ABLIM1: variants seen among roughly 807,000 people sequenced by gnomAD.
The protein encoded by ABLIM1 is actin-binding LIM protein 1.
Under a neutral mutation model 107.0 loss-of-function variants are expected in ABLIM1, and 40 were observed. The observed-to-expected ratio is 0.37, with a 90% CI of 0.29 to 0.49. The LOEUF is 0.49. Among genes scored for constraint, ABLIM1 ranks in the 20% least tolerant of loss-of-function variants. The probability of loss-of-function intolerance (pLI) is 0.97; values close to 1 mark genes in which losing one functional copy is unlikely to be tolerated. For missense variants in ABLIM1, 857 were observed against 1,008.5 expected, an observed-to-expected ratio of 0.85 and a Z score of 2.04; for synonymous variants, 357 against 357.3, an observed-to-expected ratio of 1.00 and a Z score of 0.01.
the ABLIM1 span, among the ~76,000 whole-genome samples, chr10:114,795,624 G>T: frequency 3.3e-5 from 5 of 151,772 alleles, no homozygotes; most frequent in Admixed American, 3.3e-4. Context: ...CAGGAGAATT[G>T]CTTGAACACG....
chr10:114,440,450 CTTT>C (rs76464426), intron 19 of ABLIM1, among the ~76,000 whole-genome samples: 7 of 146,484 alleles, frequency 4.8e-5, no homozygotes, highest in African/African-American at 1.7e-4. Flanking sequence ...CCTCCAGTTA[CTTT>C]TTTTTTTTTT....
chr10:114,697,948 G>T lies in ABLIM1; in HGVS notation c.-213+70113C>A, dbSNP rs183157626. Among the ~76,000 whole-genome samples the T allele has an allele frequency of 6.6e-5, 10 of 152,118 alleles. No individual in the cohort carries two copies. In the East Asian group the frequency reaches 1.9e-3, roughly 29 times the overall value. ...GATTACATTTTAGAGATCTCTTGTG[G>T]TTGCAAACTAATACAACTATAGAGG... is the stretch of plus-strand genomic sequence containing the variant. On this transcript the variant is annotated intron_variant, in intron 1 of 15. Transcript: ENST00000651092.
chr10:114,564,342 G>A lies in ABLIM1; in HGVS notation c.673+6955C>T, dbSNP rs182294592. Among the ~76,000 whole-genome samples, 9 of 152,160 alleles carry A rather than the reference G, an allele frequency of 5.9e-5. No homozygotes were observed. The East Asian group carries it at 1.2e-3, about 20-fold the overall frequency. On this transcript the variant is annotated intron_variant, in intron 4 of 22. Coordinates refer to ENST00000533213, the MANE Select transcript of ABLIM1 (RefSeq NM_002313.7). ...TGCAGTGGCATTATCTCGGCTCACT[G>A]CAACCTCCGCCTCCCGGGTTCAAGC...
chr10:114,612,897 A>G (rs1367336517), intron 1 of ABLIM1, among the ~76,000 whole-genome samples: 1 of 152,232 alleles, frequency 6.6e-6, no homozygotes, highest in Non-Finnish European at 1.5e-5. Context: ...GCACGGTACC[A>G]CCATTACCTT....
At chr10:114,688,258 C>T (rs894020966), upstream of ABLIM1, among the ~76,000 whole-genome samples, 1 of 152,164 alleles carries the variant, frequency 6.6e-6, no homozygotes, top group African/African-American at 2.4e-5. Flanking sequence ...GGAAATGAAA[C>T]TTCATGAGCT....
At chr10:114,517,176 C>A (rs978022986) in intron 6 of ABLIM1, among the ~76,000 whole-genome samples, 7 of 152,188 alleles carry the variant, frequency 4.6e-5, no homozygotes, top group African/African-American at 1.4e-4. Flanking sequence ...ATATGTCCAA[C>A]CTGCTTTGCA....
upstream of ABLIM1, among the ~76,000 whole-genome samples, chr10:114,662,654 TCCC>T (rs2079843906): frequency 1.3e-5 from 2 of 152,120 alleles, no homozygotes; most frequent in Non-Finnish European, 2.9e-5. Context: ...CTGCTTCTCT[TCCC>T]GTAATGCCAC....
intron 1 of ABLIM1, among the ~76,000 whole-genome samples, chr10:114,739,101 C>T (rs1048557948): frequency 4.6e-5 from 7 of 152,088 alleles, no homozygotes; most frequent in Non-Finnish European, 8.8e-5. Flanking sequence ...AAAAGAAAAT[C>T]CATTGGATTT....
intron 12 of ABLIM1, among the ~76,000 whole-genome samples, chr10:114,457,317 T>G (rs575776310): frequency 6.6e-6 from 1 of 152,188 alleles, no homozygotes; most frequent in Non-Finnish European, 1.5e-5. Flanking sequence ...TTGCCCAGGC[T>G]GTAGTGCAGT....
At chr10:114,717,914 G>T in intron 1 of ABLIM1, among the ~76,000 whole-genome samples, 1 of 136,704 alleles carries the variant, frequency 7.3e-6, no homozygotes, top group East Asian at 2.3e-4. Context: ...CCTGTCAAAA[G>T]GAGAGGAGAG....
chr10:114,763,422 C>G (rs1021420663), intron 1 of ABLIM1, among the ~76,000 whole-genome samples: 6 of 150,362 alleles, frequency 4.0e-5, no homozygotes, highest in Non-Finnish European at 7.4e-5. Flanking sequence ...TTTTTTGAGA[C>G]TGTTGACCAG....
chr10:114,638,037 T>C (rs1417358183), intron 1 of ABLIM1, among the ~76,000 whole-genome samples: 3 of 152,232 alleles, frequency 2.0e-5, no homozygotes, highest in African/African-American at 4.8e-5. Context: ...AAGTTGACTA[T>C]GTTGTAATGA....
chr10:114,574,182 C>T (rs1320458362), intron 3 of ABLIM1, among the ~76,000 whole-genome samples: 1 of 152,154 alleles, frequency 6.6e-6, no homozygotes, highest in African/African-American at 2.4e-5. Flanking sequence ...AACACGTCTC[C>T]TCTGAATTGG....
Position 114,554,551 on chromosome 10 carries a change from A to T in ABLIM1, c.674-6775T>A, listed in dbSNP as rs897987497. On this transcript the variant is annotated intron_variant, in intron 4 of 22. Coordinates refer to ENST00000533213, the MANE Select transcript of ABLIM1 (RefSeq NM_002313.7). ...CGTCTCTACAGAAAATAGAATAGCG[A>T]GGCGTGGCAGCGCTAGGACTGCAAG... 2.0e-5 allele frequency among the ~76,000 whole-genome samples: 3 copies of T among 152,108 alleles called. No individual in the cohort carries two copies. In the East Asian group the frequency reaches 5.8e-4, roughly 29 times the overall value.
intron 4 of ABLIM1, among the ~76,000 whole-genome samples, chr10:114,564,486 T>C (rs2070356229): frequency 6.6e-6 from 1 of 151,908 alleles, no homozygotes; most frequent in African/African-American, 2.4e-5. Context: ...TTGGCCAGGC[T>C]GGTCTCAAAC....
At chr10:114,487,893 A>C in intron 8 of ABLIM1, 65 bp downstream of exon 8, 1 of 1,579,254 alleles carries the variant, frequency 6.3e-7, no homozygotes, top group Non-Finnish European at 8.7e-7. Context: ...TAGCCCCAAG[A>C]ATTAGTGACC....
intron 1 of ABLIM1, among the ~76,000 whole-genome samples, chr10:114,761,241 T>C (rs766765763): frequency 3.3e-4 from 49 of 148,898 alleles, no homozygotes; most frequent in Admixed American, 7.5e-4. Flanking sequence ...GGCTCTGCTA[T>C]AGGCATCAAA....
rs564405497 is a variant in ABLIM1 at position 114,460,418 on chromosome 10, T to C, written c.1441+5280A>G. 3.4e-4 allele frequency among the ~76,000 whole-genome samples: 52 copies of C among 152,236 alleles called. No homozygotes were observed. In the South Asian group the frequency reaches 7.2e-3, roughly 21 times the overall value. The stretch of plus-strand genomic sequence containing the variant: ...GAGTTCGAGACCAGCCTGGTCAACA[T>C]GGTGAAACCCCGTCTCTACTAAAAA... On this transcript the variant is annotated intron_variant, in intron 12 of 22. Coordinates refer to ENST00000533213, the MANE Select transcript of ABLIM1 (RefSeq NM_002313.7).
chr10:114,583,478 T>C (rs1242098747), intron 2 of ABLIM1, among the ~76,000 whole-genome samples: 2 of 13,672 alleles, frequency 1.5e-4, no homozygotes, highest in Admixed American at 7.7e-4. Flanking sequence ...CATATATATA[T>C]ATATATATAT....
Sources: gnomAD v4.1 joint callset for allele counts (sites outside exome capture counted in the v4.1 genomes callset) on GRCh38, gnomAD v4.1.1 for gene constraint, MANE v1.5 for transcripts, NCBI Gene and HGNC (gene_info 2026-07-23, HGNC 2026-07-21) for gene names.